The following PTPRM variants were observed in gnomAD, a reference collection of about 807,000 sequenced individuals.
PTPRM encodes the protein protein tyrosine phosphatase receptor type M.
A neutral mutation model predicts 186.7 loss-of-function variants in PTPRM; 47 were observed. That is an observed-to-expected ratio of 0.25 (90% CI 0.20 to 0.32). The LOEUF (loss-of-function observed/expected upper bound fraction) is 0.32. Ranked by LOEUF, PTPRM falls within the 10% of genes least tolerant of loss-of-function variation. The pLI is 1.00. For synonymous variants in PTPRM, 668 were observed against 674.9 expected, an observed-to-expected ratio of 0.99 and a Z score of 0.16; for missense variants, 1,494 against 1,865.0, an observed-to-expected ratio of 0.80 and a Z score of 3.66.
intron 23 of PTPRM, among the ~76,000 whole-genome samples, chr18:8,352,675 TTTG>T (rs2095541992): frequency 6.7e-6 from 1 of 149,910 alleles, no homozygotes; most frequent in Non-Finnish European, 1.5e-5. Flanking sequence ...TGTTTGTTTG[TTTG>T]TTTTGTTTTT....
chr18:7,925,356 C>G (rs1218018922), intron 4 of PTPRM, among the ~76,000 whole-genome samples: 1 of 152,126 alleles, frequency 6.6e-6, no homozygotes, highest in African/African-American at 2.4e-5. Flanking sequence ...AATACTTTGT[C>G]TGAATTATTA....
chr18:7,840,825 C>A (rs1403704224), intron 2 of PTPRM, among the ~76,000 whole-genome samples: 2 of 152,156 alleles, frequency 1.3e-5, no homozygotes, highest in Non-Finnish European at 2.9e-5. Flanking sequence ...TTGACATGCC[C>A]TTGAAAATCC....
chr18:8,002,938 G>A (rs143506925), intron 7 of PTPRM, among the ~76,000 whole-genome samples: 35 of 152,006 alleles, frequency 2.3e-4, no homozygotes, highest in African/African-American at 7.0e-4. Context: ...CAAATGTTTC[G>A]TTTTGATTAA....
chr18:7,949,008 G>T (rs2052749430), intron 5 of PTPRM, among the ~76,000 whole-genome samples, 173 bp from the exon 6 acceptor site: 1 of 152,174 alleles, frequency 6.6e-6, no homozygotes, highest in African/African-American at 2.4e-5. Flanking sequence ...GATCATGGCA[G>T]AATTTTAGTT....
intron 2 of PTPRM, among the ~76,000 whole-genome samples, chr18:7,821,456 A>T (rs753463395): frequency 3.9e-5 from 6 of 152,120 alleles, no homozygotes; most frequent in Non-Finnish European, 8.8e-5. Flanking sequence ...TAGAATTATG[A>T]TGGAATATGG....
At chr18:8,146,466 C>T (rs2092889143) in intron 14 of PTPRM, among the ~76,000 whole-genome samples, 1 of 150,036 alleles carries the variant, frequency 6.7e-6, no homozygotes, top group African/African-American at 2.5e-5. Flanking sequence ...TGAGAAGTGT[C>T]TGTTCATATC....
At chr18:8,307,471 T>G (rs974393654) in intron 20 of PTPRM, among the ~76,000 whole-genome samples, 4 of 152,182 alleles carry the variant, frequency 2.6e-5, no homozygotes, top group South Asian at 4.1e-4. Flanking sequence ...ACAAAAATAC[T>G]TCATAAACTA....
chr18:8,320,617 A>C (rs1234659497), intron 22 of PTPRM, among the ~76,000 whole-genome samples: 1 of 152,224 alleles, frequency 6.6e-6, no homozygotes, highest in East Asian at 1.9e-4. Flanking sequence ...TTGGACAGCA[A>C]AGCTTTGGGG....
intron 7 of PTPRM, among the ~76,000 whole-genome samples, chr18:8,042,728 A>C (rs1241741452): frequency 2.6e-5 from 4 of 151,812 alleles, no homozygotes; most frequent in Non-Finnish European, 5.9e-5. Flanking sequence ...CTCTTGTCCC[A>C]TTGTCCCCTG....
chr18:7,890,387 T>C (rs527620356), intron 3 of PTPRM, among the ~76,000 whole-genome samples: 2 of 152,266 alleles, frequency 1.3e-5, no homozygotes, highest in African/African-American at 2.4e-5. Context: ...TGAGTTAAGA[T>C]CCATCAACCC....
chr18:7,868,575 A>G (rs1435547463), intron 2 of PTPRM, among the ~76,000 whole-genome samples: 2 of 152,162 alleles, frequency 1.3e-5, no homozygotes, highest in African/African-American at 4.8e-5. Context: ...TGGAAGCTTC[A>G]TCCCAGAGGG....
chr18:7,873,167 T>C (rs562403627), intron 2 of PTPRM, among the ~76,000 whole-genome samples: 48 of 152,252 alleles, frequency 3.2e-4, no homozygotes, highest in Admixed American at 5.9e-4. Flanking sequence ...GCATAGTGAG[T>C]TTTAACTTTT....
chr18:8,041,002 T>A (rs1407012359), intron 7 of PTPRM, among the ~76,000 whole-genome samples: 1 of 152,228 alleles, frequency 6.6e-6, no homozygotes, highest in African/African-American at 2.4e-5. Context: ...TCTCGCATTC[T>A]CCATTTAGCC....
intron 1 of PTPRM, among the ~76,000 whole-genome samples, chr18:7,630,378 T>C (rs1193057882): frequency 6.6e-6 from 1 of 152,066 alleles, no homozygotes; most frequent in East Asian, 1.9e-4. Flanking sequence ...CAGCCTTGGA[T>C]TCCTTGGCCT....
chr18:8,109,048 C>CA (rs139303566), intron 11 of PTPRM, among the ~76,000 whole-genome samples: 3,413 of 152,198 alleles, frequency 0.022, 127 homozygotes, highest in African/African-American at 0.078. Flanking sequence ...AACACCATTC[C>CA]AACAGTGAGA....
intron 2 of PTPRM, among the ~76,000 whole-genome samples, chr18:7,860,477 T>C (rs901394998): frequency 2.0e-5 from 3 of 151,546 alleles, no homozygotes; most frequent in African/African-American, 7.3e-5. Flanking sequence ...GGGGCGGGGG[T>C]CTGTCTTGTT....
chr18:8,010,411 G>A (rs2084454251), intron 7 of PTPRM, among the ~76,000 whole-genome samples: 1 of 152,090 alleles, frequency 6.6e-6, no homozygotes, highest in African/African-American at 2.4e-5. Flanking sequence ...CCATCAGTAT[G>A]GTTGACTGCC....
Position 8,331,684 on chromosome 18 carries a change from T to C in PTPRM, c.2957-11739T>C, listed in dbSNP as rs3786381. Among the ~76,000 whole-genome samples the C allele has an allele frequency of 4.6e-5, 7 of 152,226 alleles. No homozygotes were observed. The East Asian group carries it at 1.4e-3, about 29-fold the overall frequency. Reference sequence around the variant, plus strand: ...TGAAAGCTGATACATCCTACACCTGTTAATGCTTCCTTCCAGAAGGATGTA... The same window carrying C: ...TGAAAGCTGATACATCCTACACCTGCTAATGCTTCCTTCCAGAAGGATGTA... On this transcript the variant is annotated intron_variant, in intron 22 of 32. Transcript: ENST00000580170.
intron 23 of PTPRM, among the ~76,000 whole-genome samples, chr18:8,346,286 A>G (rs1010890507): frequency 1.3e-5 from 2 of 152,224 alleles, no homozygotes; most frequent in Non-Finnish European, 2.9e-5. Flanking sequence ...CACAACAGAC[A>G]TGTACTATCT....
Sources: allele counts gnomAD v4.1 joint callset (sites outside exome capture counted in the v4.1 genomes callset), GRCh38; gene constraint gnomAD v4.1.1; transcripts MANE v1.5; gene names NCBI Gene and HGNC (gene_info 2026-07-23, HGNC 2026-07-21).